SLC39A11: variants seen among roughly 807,000 people sequenced by gnomAD.
SLC39A11 encodes zinc transporter ZIP11.
In SLC39A11, 33 loss-of-function variants were observed where a neutral mutation model predicts 36.1. The ratio of observed to expected loss-of-function variants is 0.91; its 90% CI spans 0.69 to 1.22. The LOEUF is 1.22. SLC39A11 is among the 50% of genes most tolerant of loss of function. SLC39A11 has a pLI of 0.00. For missense variants in SLC39A11, 432 were observed against 430.3 expected (o/e 1.00, Z -0.03); for synonymous variants, 166 against 170.3 (o/e 0.97, Z 0.20).
intron 4 of SLC39A11, among the ~76,000 whole-genome samples, chr17:73,027,531 A>G (rs748639919): frequency 4.6e-5 from 7 of 152,244 alleles, no homozygotes; most frequent in Non-Finnish European, 1.0e-4. Flanking sequence ...AACTTGAGGC[A>G]TCTGAAGTTA....
chr17:72,868,403 T>C (rs1322878165), intron 5 of SLC39A11, among the ~76,000 whole-genome samples: 3 of 152,012 alleles, frequency 2.0e-5, no homozygotes, highest in Admixed American at 2.0e-4. Flanking sequence ...GAAATAAGTT[T>C]TAGGCCATGC....
chr17:72,649,996 A>T (rs995185989), intron 7 of SLC39A11, among the ~76,000 whole-genome samples: 1 of 152,230 alleles, frequency 6.6e-6, no homozygotes, highest in Non-Finnish European at 1.5e-5. Flanking sequence ...CCTAGCATAG[A>T]GAGGTGCTTA....
rs143960940 is a variant in SLC39A11 at position 73,032,597 on chromosome 17, C to T, written c.148-883G>A. On this transcript the variant is annotated intron_variant, in intron 3 of 9. Transcript: ENST00000255559. ...TATTGTAACACAGGTCTAATTATTACAAAGTTCTTTCTTATGTTGAGCTGA... is the reference window on the plus strand; with the variant it reads ...TATTGTAACACAGGTCTAATTATTATAAAGTTCTTTCTTATGTTGAGCTGA... 4.2e-3 allele frequency among the ~76,000 whole-genome samples: 640 copies of T among 152,322 alleles called. 4 individuals carry two copies. Among genetic ancestry groups the T allele is most frequent in the African/African-American group, 0.015 (619 of 41,568 alleles).
chr17:72,665,491 A>T (rs1046980342), intron 7 of SLC39A11, among the ~76,000 whole-genome samples: 41 of 143,820 alleles, frequency 2.9e-4, no homozygotes, highest in African/African-American at 9.6e-4. Flanking sequence ...CTCAGGTTAA[A>T]GCTATCCTCC....
chr17:72,834,491 A>G (rs1203547879), intron 6 of SLC39A11, among the ~76,000 whole-genome samples: 1 of 152,172 alleles, frequency 6.6e-6, no homozygotes, highest in Non-Finnish European at 1.5e-5. Flanking sequence ...GCATGGTGAC[A>G]CACGCCTGTA....
intron 5 of SLC39A11, among the ~76,000 whole-genome samples, chr17:72,940,202 C>T (rs983966652): frequency 2.6e-5 from 4 of 152,028 alleles, no homozygotes; most frequent in Non-Finnish European, 4.4e-5. Context: ...TTAACGGTGC[C>T]ATCCCTTTAA....
intron 6 of SLC39A11, among the ~76,000 whole-genome samples, chr17:72,848,818 G>A (rs1379767237): frequency 6.6e-6 from 1 of 152,066 alleles, no homozygotes. Context: ...AAGAAGGCAG[G>A]TAAGGCAATT....
At chr17:72,946,653 C>T (rs2085446999) in intron 5 of SLC39A11, among the ~76,000 whole-genome samples, 1 of 152,186 alleles carries the variant, frequency 6.6e-6, no homozygotes, top group African/African-American at 2.4e-5. Context: ...TTCTCCACAG[C>T]ATCCTGGCAT....
At chr17:72,858,679 G>A (rs1358176919) in intron 5 of SLC39A11, among the ~76,000 whole-genome samples, 1 of 152,052 alleles carries the variant, frequency 6.6e-6, no homozygotes, top group African/African-American at 2.4e-5. Flanking sequence ...AATTCTCCTT[G>A]TAGAGATCCT....
intron 6 of SLC39A11, among the ~76,000 whole-genome samples, chr17:72,741,844 T>C (rs1408144014): frequency 2.0e-5 from 3 of 151,978 alleles, no homozygotes; most frequent in African/African-American, 7.3e-5. Flanking sequence ...GGGGTGTGGA[T>C]CCATGTTCAA....
At chr17:72,704,837 T>C (rs2072821107) in intron 7 of SLC39A11, among the ~76,000 whole-genome samples, 1 of 152,168 alleles carries the variant, frequency 6.6e-6, no homozygotes, top group Non-Finnish European at 1.5e-5. Context: ...GCCACAGTGA[T>C]TGGTCCAAGA....
At chr17:73,068,720 G>A (rs886210529) in intron 3 of SLC39A11, among the ~76,000 whole-genome samples, 3 of 152,072 alleles carry the variant, frequency 2.0e-5, no homozygotes, top group Non-Finnish European at 2.9e-5. Context: ...CAGCAGGACT[G>A]TCTCTCACAC....
intron 5 of SLC39A11, chr17:72,947,487 C>T: frequency 1.9e-6 from 1 of 513,342 alleles, no homozygotes; most frequent in Admixed American, 3.2e-5. Context: ...CCCCACTGTC[C>T]ACCTGTCCAA....
intron 6 of SLC39A11, among the ~76,000 whole-genome samples, chr17:72,771,746 A>G (rs559232534): frequency 6.6e-6 from 1 of 152,376 alleles, no homozygotes; most frequent in East Asian, 1.9e-4. Context: ...TGTGTGATTT[A>G]CAAAGAAATG....
At chr17:72,735,429 G>A (rs985097060) in intron 7 of SLC39A11, among the ~76,000 whole-genome samples, 1 of 152,116 alleles carries the variant, frequency 6.6e-6, no homozygotes, top group Non-Finnish European at 1.5e-5. Context: ...TGACAGTCAC[G>A]ATCAATGGGT....
intron 3 of SLC39A11, among the ~76,000 whole-genome samples, chr17:73,063,897 G>C (rs2059920742): frequency 6.6e-6 from 1 of 152,164 alleles, no homozygotes; most frequent in African/African-American, 2.4e-5. Flanking sequence ...CAATGACCGT[G>C]TGTCCCTTCC....
intron 7 of SLC39A11, among the ~76,000 whole-genome samples, chr17:72,681,033 C>T (rs1231527196): frequency 6.6e-6 from 1 of 152,152 alleles, no homozygotes; most frequent in Non-Finnish European, 1.5e-5. Flanking sequence ...ACCTTCATCT[C>T]CCGGGTTCAA....
intron 5 of SLC39A11, 58 bp from the exon 6 acceptor site, chr17:72,849,862 C>T (rs2079224606): frequency 4.9e-6 from 7 of 1,435,168 alleles, no homozygotes; most frequent in South Asian, 2.9e-5. Context: ...AACATGTGCA[C>T]GTTAACTCTC....
At chr17:72,908,019 T>A (rs1393180382) in intron 5 of SLC39A11, among the ~76,000 whole-genome samples, 1 of 152,222 alleles carries the variant, frequency 6.6e-6, no homozygotes, top group Non-Finnish European at 1.5e-5. Context: ...TGTCTTCTCA[T>A]GGGAGCACTC....
Sources: gnomAD v4.1 joint callset for allele counts (sites outside exome capture counted in the v4.1 genomes callset) on GRCh38, gnomAD v4.1.1 for gene constraint, MANE v1.5 for transcripts, NCBI Gene and HGNC (gene_info 2026-07-23, HGNC 2026-07-21) for gene names.